The following PROK1 variants were observed in gnomAD, a reference collection of about 807,000 sequenced individuals.
PROK1 encodes prokineticin 1.
In PROK1, 10 loss-of-function variants were observed where a neutral mutation model predicts 8.8. The observed-to-expected ratio is 1.13, with a 90% CI of 0.70 to 1.92. The LOEUF is 1.92. PROK1 is among the 30% of genes most tolerant of loss of function. The probability of loss-of-function intolerance (pLI) is 0.00; values close to 1 mark genes in which losing one functional copy is unlikely to be tolerated. For missense variants in PROK1, 140 were observed against 139.7 expected, an observed-to-expected ratio of 1.00 and a Z score of -0.01; for synonymous variants, 57 against 56.0, an observed-to-expected ratio of 1.02 and a Z score of -0.08.
chr1:110,454,074 C>G lies in PROK1; in HGVS notation c.186C>G (p.Pro62=). The G allele has an allele frequency of 6.2e-7, 1 of 1,613,530 alleles. No individual in the cohort carries two copies. The highest frequency in any genetic ancestry group is 8.5e-7 in the Non-Finnish European group (1 of 1,179,910). Residue 62 remains proline, a synonymous_variant, in exon 2 of 3, where the codon CCC becomes CCG. Coordinates refer to ENST00000271331, the MANE Select transcript of PROK1 (RefSeq NM_032414.3). Reference sequence around the variant, plus strand: ...GGCGGGAAGGCGAGGAGTGCCACCCCGGCAGCCACAAGGTACTCTGCAGAC... The same window carrying G: ...GGCGGGAAGGCGAGGAGTGCCACCCGGGCAGCCACAAGGTACTCTGCAGAC... ...PLGREGEECH[P]GSHKVPFFRK... is the part of the protein sequence containing the mutation.
intron 1 of PROK1, among the ~76,000 whole-genome samples, 154 bp downstream of exon 1, chr1:110,451,442 G>A (rs1375048800): frequency 6.6e-6 from 1 of 152,292 alleles, no homozygotes; most frequent in South Asian, 2.1e-4. Flanking sequence ...GATTGCATGC[G>A]ATTTTCAGAC....
chr1:110,451,363 A>G, intron 1 of PROK1, 75 bp downstream of exon 1: 1 of 1,299,014 alleles, frequency 7.7e-7, no homozygotes, highest in Non-Finnish European at 1.1e-6. Flanking sequence ...GAGCCCAGGA[A>G]CCATGCAGGA....
Position 110,454,080 on chromosome 1 carries a change from C to T in PROK1, c.192C>T (p.Ser64=). The part of the protein sequence containing the change: ...GREGEECHPG[S]HKVPFFRKRK... ...AAGGCGAGGAGTGCCACCCCGGCAG[C>T]CACAAGGTACTCTGCAGACACTGCA... The change falls in exon 2 of 3, where the codon AGC becomes AGT. Residue 64 remains serine (S), a synonymous_variant. Coordinates refer to ENST00000271331, the MANE Select transcript of PROK1 (RefSeq NM_032414.3). 1 of 1,613,636 alleles carries T rather than the reference C, an allele frequency of 6.2e-7. No homozygotes were observed.
chr1:110,453,096 G>T (rs1241936695), intron 1 of PROK1, among the ~76,000 whole-genome samples: 1 of 152,160 alleles, frequency 6.6e-6, no homozygotes, highest in African/African-American at 2.4e-5. Context: ...CAGCCTGAAG[G>T]TGCCCATAGG....
chr1:110,451,741 G>A (rs1664091070), intron 1 of PROK1, among the ~76,000 whole-genome samples: 1 of 152,152 alleles, frequency 6.6e-6, no homozygotes, highest in Non-Finnish European at 1.5e-5. Flanking sequence ...CTTAATTAAA[G>A]GTGGTAAGCT....
rs931405142 is a variant in PROK1, at chr1:110,454,998, C to G, written c.198+912C>G. ...CTTGCTCCCACTCCTTGACCTCCAG[C>G]TCCCAGTCCAGAGTCCTCTGGAGCC... On this transcript the variant is annotated intron_variant, in intron 2 of 2. Coordinates refer to ENST00000271331, the MANE Select transcript of PROK1 (RefSeq NM_032414.3). 3.3e-5 allele frequency among the ~76,000 whole-genome samples: 5 copies of G among 152,202 alleles called. No individual in the cohort carries two copies. In the East Asian group the frequency reaches 9.6e-4, roughly 29 times the overall value.
At chr1:110,453,727 G>A (rs1664125467) in intron 1 of PROK1, among the ~76,000 whole-genome samples, 1 of 152,202 alleles carries the variant, frequency 6.6e-6, no homozygotes, top group South Asian at 2.1e-4. Context: ...TGGCCTCCAG[G>A]AGCTTGGAAG....
At position 110,456,290 on chromosome 1, in the gene PROK1, G is replaced by A; in HGVS notation, c.257G>A (p.Cys86Tyr). Residue 86 changes from cysteine to tyrosine, a missense_variant, in exon 3 of 3, where the codon TGC becomes TAC. Physicochemically the swap from Cys to Tyr is radical, Grantham distance 194. Transcript: ENST00000271331. Reference protein sequence around the residue: ...HTCPCLPNLLCSRFPDGRYRC... With the variant: ...HTCPCLPNLLYSRFPDGRYRC... ...TGTCCTTGCTTGCCCAACCTGCTGT[G>A]CTCCAGGTTCCCGGACGGCAGGTAC... The A allele has an allele frequency of 6.2e-7, 1 of 1,613,982 alleles. No individual in the cohort carries two copies. Among genetic ancestry groups the A allele is most frequent in the Non-Finnish European group, 8.5e-7 (1 of 1,179,992 alleles).
chr1:110,457,334 A>T lies in PROK1; in HGVS notation c.*983A>T, dbSNP rs1328303008. ...AACTACACACCAACCTGCTGGCTTT[A>T]GAATAAAAGCACCAACTGAACTGAG... On this transcript the variant is annotated 3_prime_UTR_variant, in exon 3 of 3. Coordinates refer to ENST00000271331, the MANE Select transcript of PROK1 (RefSeq NM_032414.3). 6.6e-6 allele frequency: 1 copy of T among 152,322 alleles called. No individual in the cohort carries two copies. The highest frequency in any genetic ancestry group is 1.5e-5 in the Non-Finnish European group (1 of 68,098). The allele number at this position is 152,322 out of a possible 1,614,324, so 9.4% of individuals were successfully genotyped here.
rs762684376 is a variant in PROK1, at chr1:110,456,316, C to T, written c.283C>T (p.Arg95Cys). 22 of 1,613,948 alleles carry T rather than the reference C, an allele frequency of 1.4e-5. 1 individual carries two copies. The highest frequency in any genetic ancestry group is 5.3e-5 in the African/African-American group (4 of 74,912). The part of the protein sequence containing the change: ...LCSRFPDGRY[R>C]CSMDLKNINF The stretch of plus-strand genomic sequence containing the variant: ...CTCCAGGTTCCCGGACGGCAGGTAC[C>T]GCTGCTCCATGGACTTGAAGAACAT... Residue 95 changes from arginine (R) to cysteine (C), a missense_variant, in exon 3 of 3, where the codon CGC becomes TGC. Transcript: ENST00000271331.
chr1:110,451,919 G>A (rs1302356591), intron 1 of PROK1, among the ~76,000 whole-genome samples: 2 of 151,530 alleles, frequency 1.3e-5, no homozygotes, highest in East Asian at 1.9e-4. Context: ...ATCCAGTCTC[G>A]AAGCAGAGAA....
chr1:110,456,647 C>A lies in PROK1; in HGVS notation c.*296C>A, dbSNP rs74116709. On this transcript the variant is annotated 3_prime_UTR_variant, in exon 3 of 3. Transcript: ENST00000271331. ...GGTAAATGGCAGAAAGGACATTCCC[C>A]CTCCCCTCCCCAGGTGACCTGCTCT... 4,811 of 426,774 alleles carry A rather than the reference C, an allele frequency of 0.011. 216 individuals carry two copies. The highest frequency in any genetic ancestry group is 0.089 in the African/African-American group (4,385 of 49,470). The allele number at this position is 426,774 out of a possible 1,614,324, so 26.4% of individuals were successfully genotyped here.
intron 2 of PROK1, 31 bp downstream of exon 2, chr1:110,454,117 A>G (rs1285358547): frequency 6.2e-7 from 1 of 1,610,046 alleles, no homozygotes; most frequent in East Asian, 2.2e-5. Context: ...AGGTGCACAT[A>G]TGTGGGTGGG....
chr1:110,456,482 G>A lies in PROK1; in HGVS notation c.*131G>A, dbSNP rs970620924. 8.6e-7 allele frequency: 1 copy of A among 1,167,632 alleles called. No homozygotes were observed. Among genetic ancestry groups the A allele is most frequent in the South Asian group, 1.3e-5 (1 of 79,006 alleles). The allele number at this position is 1,167,632 out of a possible 1,614,324, so 72.3% of individuals were successfully genotyped here. ...TGACTACCCTGATCTCTCTTGTCTA[G>A]TACGCACATATGCACACAGGCAGAC... On this transcript the variant is annotated 3_prime_UTR_variant, in exon 3 of 3. Transcript: ENST00000271331.
chr1:110,456,289 T>C lies in PROK1; in HGVS notation c.256T>C (p.Cys86Arg). ...HTCPCLPNLL[C>R]SRFPDGRYRC... ...CTGTCCTTGCTTGCCCAACCTGCTGTGCTCCAGGTTCCCGGACGGCAGGTA... is the reference window on the plus strand; with the variant it reads ...CTGTCCTTGCTTGCCCAACCTGCTGCGCTCCAGGTTCCCGGACGGCAGGTA... Residue 86 changes from cysteine (C) to arginine (R), a missense_variant, in exon 3 of 3, where the codon TGC (cysteine) becomes CGC (arginine). Coordinates refer to ENST00000271331, the MANE Select transcript of PROK1 (RefSeq NM_032414.3). 1 of 1,614,064 alleles carries C rather than the reference T, an allele frequency of 6.2e-7. No homozygotes were observed. The highest frequency in any genetic ancestry group is 8.5e-7 in the Non-Finnish European group (1 of 1,180,014).
intron 1 of PROK1, among the ~76,000 whole-genome samples, chr1:110,452,105 T>C (rs1664096544): frequency 6.6e-6 from 1 of 152,198 alleles, no homozygotes; most frequent in African/African-American, 2.4e-5. Context: ...GAGCTTTCCA[T>C]ATAAAATCCA....
intron 1 of PROK1, among the ~76,000 whole-genome samples, chr1:110,452,406 C>T (rs975602302): frequency 6.6e-6 from 1 of 152,170 alleles, no homozygotes; most frequent in African/African-American, 2.4e-5. Context: ...TGTAGGCTGC[C>T]CTTCTATGGG....
In PROK1 at chr1:110,454,982, A is replaced by T. The variant is rs185993754; in HGVS notation, c.198+896A>T. On this transcript the variant is annotated intron_variant, in intron 2 of 2. Coordinates refer to ENST00000271331, the MANE Select transcript of PROK1 (RefSeq NM_032414.3). ...AGTACATAGCTCCTGCCTTGCTCCC[A>T]CTCCTTGACCTCCAGCTCCCAGTCC... Among the ~76,000 whole-genome samples the T allele has an allele frequency of 2.5e-3, 373 of 151,720 alleles. 2 individuals are homozygous for T. The highest frequency in any genetic ancestry group is 7.9e-3 in the African/African-American group (325 of 41,360).
chr1:110,453,644 T>C (rs189019981), intron 1 of PROK1, among the ~76,000 whole-genome samples: 2 of 152,328 alleles, frequency 1.3e-5, no homozygotes, highest in East Asian at 3.9e-4. Flanking sequence ...ACTGAGCATC[T>C]ACTTAGCCCT....
Sources: allele counts gnomAD v4.1 joint callset (sites outside exome capture counted in the v4.1 genomes callset), GRCh38; gene constraint gnomAD v4.1.1; transcripts MANE v1.5; gene names NCBI Gene and HGNC (gene_info 2026-07-23, HGNC 2026-07-21).